Variants in LAMB1 observed in about 807,000 individuals in gnomAD.
The protein encoded by LAMB1 is laminin subunit beta 1.
LAMB1 carries 121 observed loss-of-function variants against 222.3 expected under a neutral mutation model. The observed-to-expected ratio is 0.54, with a 90% CI of 0.47 to 0.63. LAMB1 has a LOEUF of 0.63. LAMB1 is among the 30% of genes least tolerant of loss of function. LAMB1 has a pLI of 0.00. For missense variants in LAMB1, 2,172 were observed against 2,240.8 expected, an observed-to-expected ratio of 0.97 and a Z score of 0.62; for synonymous variants, 794 against 807.2, an observed-to-expected ratio of 0.98 and a Z score of 0.28.
intron 22 of LAMB1, 50 bp from the exon 23 acceptor site, chr7:107,952,273 G>C: frequency 1.5e-6 from 2 of 1,373,618 alleles, no homozygotes; most frequent in Non-Finnish European, 2.0e-6. Context: ...AAATACACAG[G>C]CATGCGGATG....
intron 20 of LAMB1, among the ~76,000 whole-genome samples, chr7:107,956,058 G>A (rs539592159): frequency 7.2e-5 from 11 of 152,246 alleles, no homozygotes; most frequent in Admixed American, 3.9e-4. Context: ...CACCATGCCC[G>A]GCTAATTTTT....
rs1291948992 is a variant in LAMB1 at position 107,931,718 on chromosome 7, G to A, written c.4393-218C>T. 4 of 542,218 alleles carry A rather than the reference G, an allele frequency of 7.4e-6. No individual in the cohort carries two copies. The African/African-American group carries it at 7.7e-5, about 10-fold the overall frequency. The allele number at this position is 542,218 out of a possible 1,614,324, so 33.6% of individuals were successfully genotyped here. A position where few individuals can be genotyped will look rare whatever the true frequency, so the allele number is the denominator to read the frequency against. ...CAGTATTCTGATATAAATAGAACTA[G>A]CATTTAAAATTTTTCAAGTTGTTTT... On this transcript the variant is annotated intron_variant, in intron 28 of 33. Transcript: ENST00000222399.
intron 24 of LAMB1, among the ~76,000 whole-genome samples, chr7:107,944,966 A>G (rs1260881194): frequency 6.6e-6 from 1 of 152,242 alleles, no homozygotes; most frequent in Non-Finnish European, 1.5e-5. Flanking sequence ...AAGCAGTCTT[A>G]TTTTAAGAAA....
In LAMB1 at chr7:107,973,089, A is replaced by C; in HGVS notation, c.1483-18T>G. ...TGCTCTGGCTGCAGAACAAAACGTGAAACATGTAACGGTAGGTTTCTGTAA... is the reference window on the plus strand; with the variant it reads ...TGCTCTGGCTGCAGAACAAAACGTGCAACATGTAACGGTAGGTTTCTGTAA... On this transcript the variant is annotated intron_variant, in intron 12 of 33. Transcript: ENST00000222399. The C allele has an allele frequency of 2.5e-6, 4 of 1,607,002 alleles. No individual in the cohort carries two copies. Among genetic ancestry groups the C allele is most frequent in the Non-Finnish European group, 3.4e-6 (4 of 1,173,558 alleles).
At chr7:107,981,363 G>A (rs1014254291) in intron 7 of LAMB1, among the ~76,000 whole-genome samples, 1 of 151,900 alleles carries the variant, frequency 6.6e-6, no homozygotes, top group Non-Finnish European at 1.5e-5. Flanking sequence ...CAGGAGAATC[G>A]CTTGAACCTG....
chr7:107,995,022 T>C, intron 4 of LAMB1, 62 bp from the exon 5 acceptor site: 1 of 854,482 alleles, frequency 1.2e-6, no homozygotes, highest in East Asian at 2.6e-5. Context: ...CATCTGTGAA[T>C]AGTTGAGACT....
intron 24 of LAMB1, among the ~76,000 whole-genome samples, chr7:107,943,617 G>A (rs2116366420): frequency 6.6e-6 from 1 of 152,174 alleles, no homozygotes; most frequent in South Asian, 2.1e-4. Context: ...AAAACAGATT[G>A]CTTCTCTACT....
chr7:107,932,407 C>T, intron 27 of LAMB1, 30 bp from the exon 28 acceptor site: 4 of 1,609,094 alleles, frequency 2.5e-6, no homozygotes, highest in Admixed American at 1.7e-5. Flanking sequence ...AGGCACAATA[C>T]TTCGGATAGT....
intron 5 of LAMB1, among the ~76,000 whole-genome samples, chr7:107,989,760 C>A (rs994978217): frequency 1.3e-5 from 2 of 152,178 alleles, no homozygotes; most frequent in Non-Finnish European, 2.9e-5. Flanking sequence ...AATCGGACTT[C>A]TCTGTGCCAA....
rs141455945 is a variant in LAMB1, at chr7:108,001,699, G to C, written c.72C>G (p.Pro24=). The C allele has an allele frequency of 2.5e-5, 40 of 1,612,720 alleles. No individual in the cohort carries two copies. The highest frequency in any genetic ancestry group is 3.4e-5 in the Non-Finnish European group (40 of 1,179,858). Residue 24 remains proline, a synonymous_variant, in exon 3 of 34, where the codon CCC becomes CCG. Coordinates refer to ENST00000222399, the MANE Select transcript of LAMB1 (RefSeq NM_002291.3). ...LCRARVRAQE[P]EFSYGCAEGS... The stretch of plus-strand genomic sequence containing the variant: ...CTTCTGCGCAGCCGTAGCTGAACTC[G>C]GGTTCCTGAGCGCGCACTCGGGCTC...
chr7:107,961,190 G>A lies in LAMB1; in HGVS notation c.2109+16C>T. 4.3e-6 allele frequency: 7 copies of A among 1,613,844 alleles called. No individual in the cohort carries two copies. The highest frequency in any genetic ancestry group is 1.3e-5 in the African/African-American group (1 of 75,014). On this transcript the variant is annotated intron_variant, in intron 17 of 33. Coordinates refer to ENST00000222399, the MANE Select transcript of LAMB1 (RefSeq NM_002291.3). ...CCAGGCTTTCCTGCATATGCCAGAA[G>A]CAATCTCGCACTTACAGAATCGATC... is the stretch of plus-strand genomic sequence containing the variant.
chr7:107,984,082 G>A, intron 7 of LAMB1, among the ~76,000 whole-genome samples: 1 of 152,132 alleles, frequency 6.6e-6, no homozygotes, highest in East Asian at 1.9e-4. Context: ...TTTCTCTTCA[G>A]TATTCTTTCT....
chr7:107,967,171 T>G (rs905861782), intron 13 of LAMB1, among the ~76,000 whole-genome samples: 1 of 152,240 alleles, frequency 6.6e-6, no homozygotes, highest in Admixed American at 6.5e-5. Context: ...GCTCTGCTGT[T>G]TCTGCCAGTA....
chr7:107,966,431 A>C (rs2033638463), intron 13 of LAMB1, among the ~76,000 whole-genome samples: 1 of 151,918 alleles, frequency 6.6e-6, no homozygotes, highest in African/African-American at 2.4e-5. Context: ...GGCTGGTCTC[A>C]ATCTCCTGAC....
chr7:107,935,273 G>T, intron 27 of LAMB1, 142 bp downstream of exon 27: 1 of 1,283,744 alleles, frequency 7.8e-7, no homozygotes, highest in Non-Finnish European at 1.1e-6. Flanking sequence ...AGAGACCTCA[G>T]CCTAGGAGTT....
At chr7:107,990,538 G>A (rs2034162974) in intron 5 of LAMB1, among the ~76,000 whole-genome samples, 1 of 150,898 alleles carries the variant, frequency 6.6e-6, no homozygotes, top group Non-Finnish European at 1.5e-5. Context: ...TATTTCACTT[G>A]ACTAACTAAT....
chr7:107,973,039 A>T lies in LAMB1; in HGVS notation c.1515T>A (p.Asp505Glu), dbSNP rs558192411. 13 of 1,614,048 alleles carry T rather than the reference A, an allele frequency of 8.1e-6. No individual in the cohort carries two copies. The South Asian group carries it at 1.4e-4, about 18-fold the overall frequency. Residue 505 changes from aspartate (D) to glutamate (E), a missense_variant, in exon 13 of 34, where the codon GAT becomes GAA. Physicochemically the swap from Asp to Glu is conservative, Grantham distance 45 (BLOSUM62 2). Transcript: ENST00000222399. ...PEHWGLSNDL[D>E]GCRPCDCDLG... ...GGTCACAGTCACATGGTCGACATCCATCCAAATCATTGCTTAAGCCCCAGT... is the reference window on the plus strand; with the variant it reads ...GGTCACAGTCACATGGTCGACATCCTTCCAAATCATTGCTTAAGCCCCAGT...
Position 108,002,894 on chromosome 7 carries a change from C to T in LAMB1, c.-9G>A, listed in dbSNP as rs1186126181. 6.2e-7 allele frequency: 1 copy of T among 1,613,930 alleles called. No individual in the cohort carries two copies. The highest frequency in any genetic ancestry group is 8.5e-7 in the Non-Finnish European group (1 of 1,179,996). ...AACTGGAGAAGCCCCATGCCGGCTCCCTGCAGCCACGGGGACGCGGCAGAG... is the reference window on the plus strand; with the variant it reads ...AACTGGAGAAGCCCCATGCCGGCTCTCTGCAGCCACGGGGACGCGGCAGAG... On this transcript the variant is annotated 5_prime_UTR_variant, in exon 2 of 34. Transcript: ENST00000222399.
At chr7:107,950,552 T>TTTTG (rs771993464) in intron 24 of LAMB1, among the ~76,000 whole-genome samples, 1 of 152,212 alleles carries the variant, frequency 6.6e-6, no homozygotes, top group Non-Finnish European at 1.5e-5. Flanking sequence ...TTCCATCTTT[T>TTTTG]TTTGTTTGTT....
Sources: allele counts gnomAD v4.1 joint callset (sites outside exome capture counted in the v4.1 genomes callset), GRCh38; gene constraint gnomAD v4.1.1; transcripts MANE v1.5; gene names NCBI Gene and HGNC (gene_info 2026-07-23, HGNC 2026-07-21).